BTBD1: variants seen among roughly 807,000 people sequenced by gnomAD.
BTBD1 encodes the protein BTB/POZ domain-containing protein 1.
BTBD1 carries 34 observed loss-of-function variants against 48.0 expected under a neutral mutation model. That is an observed-to-expected ratio of 0.71 (90% CI 0.54 to 0.94). BTBD1 has a LOEUF of 0.94. Among genes scored for constraint, BTBD1 ranks in the 40% least tolerant of loss-of-function variants. The probability of loss-of-function intolerance (pLI) is 0.00; values close to 1 mark genes in which losing one functional copy is unlikely to be tolerated. For missense variants in BTBD1, 543 were observed against 625.6 expected, an observed-to-expected ratio of 0.87 and a Z score of 1.41; for synonymous variants, 261 against 242.1, an observed-to-expected ratio of 1.08 and a Z score of -0.72.
chr15:83,048,766 C>T (rs1478390649), intron 3 of BTBD1, among the ~76,000 whole-genome samples: 1 of 152,126 alleles, frequency 6.6e-6, no homozygotes, highest in Non-Finnish European at 1.5e-5. Context: ...AAAAATACCA[C>T]CAAGCTTCTA....
At chr15:83,025,052 A>C (rs1358420204) in intron 5 of BTBD1, among the ~76,000 whole-genome samples, 1 of 152,146 alleles carries the variant, frequency 6.6e-6, no homozygotes, top group African/African-American at 2.4e-5. Flanking sequence ...CTTCCAAATT[A>C]ACTGTTAAGA....
At chr15:83,065,457 T>A (rs2033249800) in intron 1 of BTBD1, among the ~76,000 whole-genome samples, 1 of 152,238 alleles carries the variant, frequency 6.6e-6, no homozygotes, top group Non-Finnish European at 1.5e-5. Context: ...GGAATCTTAT[T>A]ATTTGTTTCT....
At chr15:83,039,643 G>A (rs924706514) in intron 4 of BTBD1, among the ~76,000 whole-genome samples, 10 of 151,612 alleles carry the variant, frequency 6.6e-5, no homozygotes, top group Admixed American at 3.3e-4. Flanking sequence ...GCTTGGTGGC[G>A]GGCGGGCGTA....
At position 83,056,743 on chromosome 15, in the gene BTBD1, G is replaced by C. The variant is rs570861753; in HGVS notation, c.402-198C>G. ...TCCATCCATCCATCGACAGGGTCTT[G>C]ATCGATTCCAGGCTGGAGTGCATGG... On this transcript the variant is annotated intron_variant, in intron 1 of 7. Transcript: ENST00000261721. Among the ~76,000 whole-genome samples, 4 of 128,836 alleles carry C rather than the reference G, an allele frequency of 3.1e-5. No individual in the cohort carries two copies. The South Asian group carries it at 8.1e-4, about 26-fold the overall frequency. The allele number at this position is 128,836 out of a possible 152,430, so 84.5% of individuals were successfully genotyped here.
chr15:83,058,934 G>A (rs2033133599), intron 1 of BTBD1, among the ~76,000 whole-genome samples: 1 of 152,132 alleles, frequency 6.6e-6, no homozygotes, highest in East Asian at 1.9e-4. Context: ...GTACACTCCA[G>A]GAACAAGAGA....
At chr15:83,032,745 A>AG (rs1290726765) in intron 4 of BTBD1, among the ~76,000 whole-genome samples, 1 of 152,036 alleles carries the variant, frequency 6.6e-6, no homozygotes, top group African/African-American at 2.4e-5. Flanking sequence ...GGTAGGAGGG[A>AG]GGTGAGCGAT....
chr15:83,031,302 G>A (rs1490050291), intron 4 of BTBD1, among the ~76,000 whole-genome samples: 1 of 152,174 alleles, frequency 6.6e-6, no homozygotes, highest in Non-Finnish European at 1.5e-5. Flanking sequence ...TTTTTCATGT[G>A]TCTGTTGGCT....
At chr15:83,063,056 C>G (rs1449767321) in intron 1 of BTBD1, among the ~76,000 whole-genome samples, 1 of 152,206 alleles carries the variant, frequency 6.6e-6, no homozygotes, top group Non-Finnish European at 1.5e-5. Flanking sequence ...TGACCACTTT[C>G]CACTTTCCAT....
chr15:83,034,214 G>T (rs1460436096), intron 4 of BTBD1, among the ~76,000 whole-genome samples: 1 of 151,904 alleles, frequency 6.6e-6, no homozygotes, highest in East Asian at 1.9e-4. Flanking sequence ...TTTTAAAAAT[G>T]AAGCTTACAA....
chr15:83,048,518 A>G (rs1417860808), intron 3 of BTBD1, among the ~76,000 whole-genome samples: 2 of 152,164 alleles, frequency 1.3e-5, no homozygotes, highest in South Asian at 2.1e-4. Context: ...CTATCATTAG[A>G]TGGTCCTCTA....
At chr15:83,035,151 G>A (rs903833820) in intron 4 of BTBD1, among the ~76,000 whole-genome samples, 3 of 151,872 alleles carry the variant, frequency 2.0e-5, no homozygotes, top group African/African-American at 4.8e-5. Context: ...AAAATTAGCC[G>A]AGCGTGGCAC....
intron 3 of BTBD1, among the ~76,000 whole-genome samples, chr15:83,048,000 G>A (rs1450848116): frequency 2.6e-5 from 4 of 152,152 alleles, no homozygotes; most frequent in Non-Finnish European, 5.9e-5. Context: ...GAGCAAGACT[G>A]CATGAAAGGA....
chr15:83,055,346 C>T (rs989893958), intron 2 of BTBD1, among the ~76,000 whole-genome samples: 3 of 150,172 alleles, frequency 2.0e-5, no homozygotes, highest in African/African-American at 7.3e-5. Context: ...CAACCTCCAC[C>T]TCCCAAGCTC....
chr15:83,032,308 G>C (rs748953995), intron 4 of BTBD1, among the ~76,000 whole-genome samples: 23 of 151,520 alleles, frequency 1.5e-4, no homozygotes, highest in Middle Eastern at 3.4e-3. Context: ...GCAACACAGC[G>C]AGACTCTGTC....
intron 1 of BTBD1, among the ~76,000 whole-genome samples, chr15:83,059,935 T>A (rs1425543717): frequency 6.6e-6 from 1 of 152,234 alleles, no homozygotes; most frequent in African/African-American, 2.4e-5. Flanking sequence ...TGACTCTAGT[T>A]TATTTCTTAC....
intron 1 of BTBD1, among the ~76,000 whole-genome samples, chr15:83,060,771 C>T (rs1021870012): frequency 3.3e-5 from 5 of 151,770 alleles, no homozygotes; most frequent in African/African-American, 1.2e-4. Context: ...CCAGCCTGGG[C>T]GACAGAGTGA....
intron 6 of BTBD1, chr15:83,020,108 AAAAG>A (rs1312015730): frequency 3.9e-5 from 6 of 152,140 alleles, no homozygotes; most frequent in African/African-American, 1.5e-4. Flanking sequence ...GACAAAAAAA[AAAAG>A]AAAGAAAAAT....
At chr15:83,036,103 CAAAA>C (rs563839312) in intron 4 of BTBD1, among the ~76,000 whole-genome samples, 2 of 75,118 alleles carry the variant, frequency 2.7e-5, no homozygotes, top group South Asian at 5.7e-4. Flanking sequence ...GTATCATTAC[CAAAA>C]AAAAAAAAAA....
Position 83,020,660 on chromosome 15 carries a change from G to C in BTBD1, c.1143+15C>G, listed in dbSNP as rs2032275882. 1.3e-6 allele frequency: 2 copies of C among 1,498,542 alleles called. No homozygotes were observed. Among genetic ancestry groups the C allele is most frequent in the Non-Finnish European group, 9.2e-7 (1 of 1,085,672 alleles). 92.8% of individuals were successfully genotyped at this position (1,498,542 alleles called of 1,614,324 possible). On this transcript the variant is annotated intron_variant, in intron 6 of 7. Coordinates refer to ENST00000261721, the MANE Select transcript of BTBD1 (RefSeq NM_025238.4). ...GTTATTTCAAAATGATATATGGTGG[G>C]GGAGGAAACTGTACCTGTATATTCA...
Sources: gnomAD v4.1 joint callset for allele counts (sites outside exome capture counted in the v4.1 genomes callset) on GRCh38, gnomAD v4.1.1 for gene constraint, MANE v1.5 for transcripts, NCBI Gene and HGNC (gene_info 2026-07-23, HGNC 2026-07-21) for gene names.